TBX20: variants seen among roughly 807,000 people sequenced by gnomAD.
TBX20 encodes T-box transcription factor 20.
TBX20 carries 8 observed loss-of-function variants against 42.9 expected under a neutral mutation model. That is an observed-to-expected ratio of 0.19 (90% confidence interval 0.11 to 0.34). The LOEUF is 0.34. Among genes scored for constraint, TBX20 ranks in the 10% least tolerant of loss-of-function variants. The pLI is 1.00. For missense variants in TBX20, 411 were observed against 566.0 expected (o/e 0.73, Z 2.78); for synonymous variants, 198 against 222.8 (o/e 0.89, Z 0.99).
In TBX20 at chr7:35,208,742, C is replaced by CA. The variant is rs766060288; in HGVS notation, c.891-4161dup. The stretch of plus-strand genomic sequence containing the variant: ...GGGCAACAAGAGCGAAACTCCGTCT[C>CA]AAAAAAAAAAAAAAAAAAAAAAAAA... On this transcript the variant is annotated intron_variant, in intron 6 of 7. Coordinates refer to ENST00000408931, the MANE Select transcript of TBX20 (RefSeq NM_001077653.2). Among the ~76,000 whole-genome samples, 6 of 21,130 alleles carry CA rather than the reference C, an allele frequency of 2.8e-4. 2 individuals carry two copies. The highest frequency in any genetic ancestry group is 9.2e-4 in the African/African-American group (4 of 4,328). 13.9% of individuals were successfully genotyped at this position (21,130 alleles called of 152,430 possible).
intron 5 of TBX20, among the ~76,000 whole-genome samples, chr7:35,234,548 T>C (rs1483116951): frequency 6.6e-6 from 1 of 152,216 alleles, no homozygotes; most frequent in African/African-American, 2.4e-5. Context: ...CTAATATCAT[T>C]TTAATCCAAC....
intron 4 of TBX20, among the ~76,000 whole-genome samples, chr7:35,244,000 C>A (rs1790132907): frequency 6.6e-6 from 1 of 152,196 alleles, no homozygotes; most frequent in Admixed American, 6.5e-5. Context: ...TGAGAAAGGT[C>A]TTCAAACACT....
intron 5 of TBX20, among the ~76,000 whole-genome samples, chr7:35,240,504 G>A (rs1584355071): frequency 6.6e-6 from 1 of 152,190 alleles, no homozygotes; most frequent in Non-Finnish European, 1.5e-5. Context: ...TAGAATAGGT[G>A]TGTTTAATTG....
intron 1 of TBX20, among the ~76,000 whole-genome samples, chr7:35,250,563 C>T (rs1049615610): frequency 6.6e-6 from 1 of 152,212 alleles, no homozygotes; most frequent in Non-Finnish European, 1.5e-5. Context: ...TTCTAGACTT[C>T]GTAGCTCATG....
chr7:35,222,425 A>G (rs1789698500), intron 6 of TBX20, among the ~76,000 whole-genome samples: 2 of 152,212 alleles, frequency 1.3e-5, no homozygotes, highest in African/African-American at 4.8e-5. Context: ...TCAAAGAAGC[A>G]CCACCAAACA....
intron 5 of TBX20, among the ~76,000 whole-genome samples, chr7:35,239,590 G>A (rs1434643054): frequency 9.9e-5 from 15 of 152,248 alleles, no homozygotes; most frequent in Non-Finnish European, 2.2e-4. Context: ...CCTGTGGAGT[G>A]TAGTACTGCC....
chr7:35,252,414 G>C lies in TBX20; in HGVS notation c.127+1080C>G, dbSNP rs1344691726. 2.6e-5 allele frequency among the ~76,000 whole-genome samples: 4 copies of C among 151,174 alleles called. No homozygotes were observed. In the East Asian group the frequency reaches 7.7e-4, roughly 29 times the overall value. On this transcript the variant is annotated intron_variant, in intron 1 of 7. Transcript: ENST00000408931. ...TTTTTTTGACATTCTGTTTTCTACA[G>C]ATCTACTAGTTTCTTTTTCCTTGGT...
chr7:35,224,621 G>A (rs1473147751), intron 6 of TBX20, among the ~76,000 whole-genome samples: 1 of 151,682 alleles, frequency 6.6e-6, no homozygotes, highest in Non-Finnish European at 1.5e-5. Context: ...GCAGTGAGCT[G>A]AGATCGCGCC....
At chr7:35,237,486 T>C (rs1052785563) in intron 5 of TBX20, among the ~76,000 whole-genome samples, 2 of 151,552 alleles carry the variant, frequency 1.3e-5, no homozygotes, top group Admixed American at 6.6e-5. Context: ...GCTTAAAGAG[T>C]GTTTAGAAGT....
chr7:35,216,716 G>T (rs1220369729), intron 6 of TBX20, among the ~76,000 whole-genome samples: 7 of 152,252 alleles, frequency 4.6e-5, no homozygotes, highest in African/African-American at 1.2e-4. Context: ...ATACATGCCA[G>T]AGAAGAAATT....
At chr7:35,247,310 A>G (rs1260623114) in intron 3 of TBX20, among the ~76,000 whole-genome samples, 1 of 152,048 alleles carries the variant, frequency 6.6e-6, no homozygotes, top group Non-Finnish European at 1.5e-5. Context: ...TAAATAGAAG[A>G]GAACACTAAT....
At chr7:35,243,951 C>T (rs191106722) in intron 4 of TBX20, among the ~76,000 whole-genome samples, 39 of 152,262 alleles carry the variant, frequency 2.6e-4, no homozygotes, top group Non-Finnish European at 4.4e-4. Context: ...TGAAACCAAA[C>T]CTAGAACTTT....
chr7:35,230,170 G>A (rs1394899175), intron 6 of TBX20, among the ~76,000 whole-genome samples: 2 of 152,176 alleles, frequency 1.3e-5, no homozygotes, highest in Non-Finnish European at 2.9e-5. Context: ...CCGGTCTGCA[G>A]CAGGGCTTCT....
At chr7:35,212,736 A>C (rs1016285922) in intron 6 of TBX20, among the ~76,000 whole-genome samples, 1 of 152,202 alleles carries the variant, frequency 6.6e-6, no homozygotes, top group African/African-American at 2.4e-5. Flanking sequence ...AGCTGATTAC[A>C]TCAGGCATTA....
chr7:35,215,205 T>C (rs1360736258), intron 6 of TBX20, among the ~76,000 whole-genome samples: 2 of 152,226 alleles, frequency 1.3e-5, no homozygotes, highest in Non-Finnish European at 2.9e-5. Flanking sequence ...AGAGGGATTT[T>C]ATTGAAGTGA....
intron 6 of TBX20, 101 bp from the exon 7 acceptor site, chr7:35,204,683 C>A: frequency 1.2e-6 from 1 of 869,088 alleles, no homozygotes; most frequent in African/African-American, 1.7e-5. Flanking sequence ...ACCATTTTCT[C>A]AGCCAAAAAG....
Position 35,253,545 on chromosome 7 carries a change from T to A in TBX20, c.76A>T (p.Ser26Cys). The A allele has an allele frequency of 6.2e-7, 1 of 1,612,844 alleles. No individual in the cohort carries two copies. The highest frequency in any genetic ancestry group is 1.3e-5 in the African/African-American group (1 of 75,002). Reference sequence around the variant, plus strand: ...GCCTCCTTCTCCTTAGAGCCGCCGCTCGACATGAGCGCGGCAATGGAGAAG... The same window carrying A: ...GCCTCCTTCTCCTTAGAGCCGCCGCACGACATGAGCGCGGCAATGGAGAAG... The part of the protein sequence containing the change: ...NAFSIAALMS[S>C]GGSKEKEATE... Residue 26 changes from serine (S) to cysteine (C), a missense_variant, in exon 1 of 8, where the codon AGC becomes TGC. Physicochemically the swap from Ser to Cys is moderately radical, Grantham distance 112 (BLOSUM62 -1). Transcript: ENST00000408931.
At chr7:35,203,882 C>G (rs1789349571) in intron 7 of TBX20, among the ~76,000 whole-genome samples, 1 of 152,182 alleles carries the variant, frequency 6.6e-6, no homozygotes, top group South Asian at 2.1e-4. Context: ...CAGAATGGAG[C>G]CCCTCTGGGC....
chr7:35,239,035 G>A (rs1790023346), intron 5 of TBX20, among the ~76,000 whole-genome samples: 1 of 152,070 alleles, frequency 6.6e-6, no homozygotes. Context: ...GATCTTCACA[G>A]CAATCCCCTA....
Sources: allele counts gnomAD v4.1 joint callset (sites outside exome capture counted in the v4.1 genomes callset), GRCh38; gene constraint gnomAD v4.1.1; transcripts MANE v1.5; gene names NCBI Gene and HGNC (gene_info 2026-07-23, HGNC 2026-07-21).